The following POLG variants were observed in gnomAD, a reference collection of about 807,000 sequenced individuals.
POLG encodes the protein DNA polymerase gamma, catalytic subunit, also known as DNA polymerase subunit gamma-1.
Under a neutral mutation model 155.4 loss-of-function variants are expected in POLG, and 110 were observed. That is an observed-to-expected ratio of 0.71 (90% confidence interval 0.61 to 0.83). The LOEUF is 0.83. Ranked by LOEUF, POLG falls within the 40% of genes least tolerant of loss-of-function variation. POLG has a pLI of 0.00. For synonymous variants in POLG, 701 were observed against 631.5 expected, an observed-to-expected ratio of 1.11 and a Z score of -1.65; for missense variants, 1,685 against 1,627.5, an observed-to-expected ratio of 1.04 and a Z score of -0.61.
At chr15:89,334,586 C>G (rs1431484821) in intron 1 of POLG, 87 bp downstream of exon 1, 1 of 152,222 alleles carries the variant, frequency 6.6e-6, no homozygotes, top group Non-Finnish European at 1.5e-5. Context: ...CGCCGCCCTG[C>G]TCCGGGCCTC....
rs1007604029 is a variant in POLG at position 89,319,018 on chromosome 15, C to G, written c.3186G>C (p.Glu1062Asp). Reference protein sequence around the residue: ...GTESEMFNKLESIATSDIPRT... With the variant: ...GTESEMFNKLDSIATSDIPRT... Reference sequence around the variant, plus strand: ...GTGGTATGTCAGACGTAGCAATGCTCTCAAGCTTATTGAACATTTCTGACT... The same window carrying G: ...GTGGTATGTCAGACGTAGCAATGCTGTCAAGCTTATTGAACATTTCTGACT... The change falls in exon 20 of 23, where the codon GAG (glutamate) becomes GAC (aspartate). Residue 1062 changes from glutamate to aspartate, a missense_variant. By Grantham distance (45) the Glu-to-Asp change is conservative. Coordinates refer to ENST00000268124, the MANE Select transcript of POLG (RefSeq NM_002693.3). The G allele has an allele frequency of 6.2e-7, 1 of 1,614,200 alleles. No homozygotes were observed. The highest frequency in any genetic ancestry group is 8.5e-7 in the Non-Finnish European group (1 of 1,180,038).
Position 89,323,423 on chromosome 15 carries a change from A to G in POLG, c.2246T>C (p.Phe749Ser), listed in dbSNP as rs202037973. ...ACACACCTTGTGAGGCAGCTTGAAA[A>G]ACCAGCAGCCAGGGATGTCCACGTC... Reference protein sequence around the residue: ...YNDVDIPGCWFFKLPHKDGNS... With the variant: ...YNDVDIPGCWSFKLPHKDGNS... The change falls in exon 13 of 23, where the codon TTT becomes TCT. Residue 749 changes from phenylalanine to serine, a missense_variant. Physicochemically the swap from Phe to Ser is radical, Grantham distance 155. Transcript: ENST00000268124. 76 of 1,612,708 alleles carry G rather than the reference A, an allele frequency of 4.7e-5. No individual in the cohort carries two copies. In the African/African-American group the frequency reaches 9.1e-4, roughly 19 times the overall value.
At chr15:89,326,874 A>T in intron 8 of POLG, 38 bp downstream of exon 8, 1 of 1,612,506 alleles carries the variant, frequency 6.2e-7, no homozygotes, top group Non-Finnish European at 8.5e-7. Context: ...CCCAGAGACA[A>T]CCCCTACCCT....
intron 2 of POLG, among the ~76,000 whole-genome samples, chr15:89,331,931 A>G (rs1238342068): frequency 1.3e-5 from 2 of 152,206 alleles, no homozygotes; most frequent in African/African-American, 4.8e-5. Flanking sequence ...CAGGGAGGGA[A>G]AGGAGAGGTA....
rs1227126133 is a variant in POLG at position 89,333,226 on chromosome 15, G to A, written c.529C>T (p.Arg177Trp). The part of the protein sequence containing the change: ...PAWAWAEGWT[R>W]YGPEGEAVPV... ...ACGGCCTCCCCCTCGGGGCCGTACCGGGTCCAGCCCTCCGCCCAGGCCCAA... is the reference window on the plus strand; with the variant it reads ...ACGGCCTCCCCCTCGGGGCCGTACCAGGTCCAGCCCTCCGCCCAGGCCCAA... Residue 177 changes from arginine to tryptophan, a missense_variant, in exon 2 of 23, where the codon CGG (arginine) becomes TGG (tryptophan). Around this residue, in one of 3 missense-constraint regions of POLG, gnomAD observed 1,210 missense variants for 1,167.1 expected, o/e 1.04. Transcript: ENST00000268124. 4.4e-6 allele frequency: 7 copies of A among 1,579,598 alleles called. No homozygotes were observed. In the African/African-American group the frequency reaches 5.4e-5, roughly 12 times the overall value.
At chr15:89,318,501 G>A in intron 21 of POLG, 40 bp downstream of exon 21, 1 of 1,569,858 alleles carries the variant, frequency 6.4e-7, no homozygotes, top group Non-Finnish European at 8.8e-7. Context: ...GCCCCACATA[G>A]GAGCACATGG....
intron 16 of POLG, 132 bp from the exon 17 acceptor site, chr15:89,321,392 C>T: frequency 3.8e-6 from 4 of 1,065,668 alleles, no homozygotes; most frequent in Non-Finnish European, 5.7e-6. Context: ...TGCTGAAATT[C>T]CACAGTTCCA....
intron 22 of POLG, 146 bp from the exon 23 acceptor site, chr15:89,316,973 G>C: frequency 2.9e-6 from 2 of 694,460 alleles, no homozygotes; most frequent in South Asian, 3.1e-5. Flanking sequence ...TACATGTTAG[G>C]AGGGTCTGTT....
In POLG at chr15:89,325,045, T is replaced by TGAGTGAGA. The variant is rs1555453270; in HGVS notation, c.1949+404_1949+405insTCTCACTC. Reference sequence around the variant, plus strand: ...AAAAAACCTGAACCCAGAGAGTGAGTGAGTGAGTGAGAGAGTGAGTGAGTG... The same window carrying TGAGTGAGA: ...AAAAAACCTGAACCCAGAGAGTGAGTGAGTGAGAGAGTGAGTGAGAGAGTGAGTGAGTG... On this transcript the variant is annotated intron_variant, in intron 10 of 22. Transcript: ENST00000268124. 1.7e-4 allele frequency among the ~76,000 whole-genome samples: 19 copies of TGAGTGAGA among 114,628 alleles called. 2 individuals are homozygous for TGAGTGAGA. The highest frequency in any genetic ancestry group is 7.5e-4 in the African/African-American group (13 of 17,422). 75.2% of individuals were successfully genotyped at this position (114,628 alleles called of 152,430 possible). A position where few individuals can be genotyped will look rare whatever the true frequency, so the allele number is the denominator to read the frequency against.
At chr15:89,334,115 C>G in intron 1 of POLG, 1 of 367,294 alleles carries the variant, frequency 2.7e-6, no homozygotes, top group Non-Finnish European at 5.0e-6. Context: ...TCAGTGAACC[C>G]ACGTGGGGAA....
chr15:89,331,198 T>C (rs749387727), intron 2 of POLG, among the ~76,000 whole-genome samples: 8 of 152,156 alleles, frequency 5.3e-5, no homozygotes, highest in Non-Finnish European at 1.2e-4. Flanking sequence ...ACTAACTTCT[T>C]TCAAAGAGAA....
chr15:89,323,041 ACG>A lies in POLG; in HGVS notation c.2266-141_2266-140del, dbSNP rs1178018956. The A allele has an allele frequency of 1.2e-3, 824 of 670,344 alleles. 12 individuals carry two copies. In the South Asian group the frequency reaches 0.013, roughly 11 times the overall value. The allele number at this position is 670,344 out of a possible 1,614,324, so 41.5% of individuals were successfully genotyped here. A position where few individuals can be genotyped will look rare whatever the true frequency, so the allele number is the denominator to read the frequency against. Reference sequence around the variant, plus strand: ...AGGCAAATCCCTGATTGTATCACGCACGCGCGCACGCGCGCACGCACACACAC... The same window carrying A: ...AGGCAAATCCCTGATTGTATCACGCACGCGCACGCGCGCACGCACACACAC... On this transcript the variant is annotated intron_variant, in intron 13 of 22. Coordinates refer to ENST00000268124, the MANE Select transcript of POLG (RefSeq NM_002693.3).
rs1209239371 is a variant in POLG at position 89,316,710 on chromosome 15, A to C, written c.*41T>G. 6 of 1,526,090 alleles carry C rather than the reference A, an allele frequency of 3.9e-6. No homozygotes were observed. The East Asian group carries it at 1.3e-4, about 34-fold the overall frequency. The allele number at this position is 1,526,090 out of a possible 1,614,324, so 94.5% of individuals were successfully genotyped here. Reference sequence around the variant, plus strand: ...GAGTTTGGGAGCCTGCACCACCCCGATGAAGCTCCACGGGAGCAAATACAG... The same window carrying C: ...GAGTTTGGGAGCCTGCACCACCCCGCTGAAGCTCCACGGGAGCAAATACAG... On this transcript the variant is annotated 3_prime_UTR_variant, in exon 23 of 23. Transcript: ENST00000268124.
chr15:89,324,242 G>A lies in POLG; in HGVS notation c.1950-15C>T. ...ACTCGATGGCTCTGGGCAGAGAACA[G>A]TAGCAGCAGCAGCCGCTGATTACCA... On this transcript the variant is annotated splice_polypyrimidine_tract_variant and intron_variant, in intron 10 of 22. Coordinates refer to ENST00000268124, the MANE Select transcript of POLG (RefSeq NM_002693.3). 6.2e-7 allele frequency: 1 copy of A among 1,610,626 alleles called. No individual in the cohort carries two copies. Among genetic ancestry groups the A allele is most frequent in the Non-Finnish European group, 8.5e-7 (1 of 1,179,950 alleles).
chr15:89,328,132 C>T (rs539191597), intron 6 of POLG, among the ~76,000 whole-genome samples: 1 of 152,272 alleles, frequency 6.6e-6, no homozygotes, highest in Admixed American at 6.5e-5. Flanking sequence ...ACAAGGGTCA[C>T]TTCATAAGAC....
Position 89,321,242 on chromosome 15 carries a change from C to T in POLG, c.2617G>A (p.Glu873Lys). The T allele has an allele frequency of 6.2e-7, 1 of 1,614,188 alleles. No homozygotes were observed. Among genetic ancestry groups the T allele is most frequent in the Non-Finnish European group, 8.5e-7 (1 of 1,180,018 alleles). Residue 873 changes from glutamate to lysine, a missense_variant, in exon 17 of 23, where the codon GAG becomes AAG. By Grantham distance (56) the Glu-to-Lys change is moderately conservative. Transcript: ENST00000268124. ...GGGGCCTGCACCATGGCTTTCAACTCACTGCCTACTCGGTCAGGCTGTGGG... is the reference window on the plus strand; with the variant it reads ...GGGGCCTGCACCATGGCTTTCAACTTACTGCCTACTCGGTCAGGCTGTGGG... ...SNARPDRVGS[E>K]LKAMVQAPPG...
chr15:89,324,671 C>G (rs766422106), intron 10 of POLG, among the ~76,000 whole-genome samples: 10 of 152,222 alleles, frequency 6.6e-5, no homozygotes, highest in Non-Finnish European at 1.2e-4. Flanking sequence ...TTCTGGGCCA[C>G]TGTAAGTTTC....
intron 14 of POLG, among the ~76,000 whole-genome samples, chr15:89,322,499 C>T (rs2055410878): frequency 6.6e-6 from 1 of 152,228 alleles, no homozygotes; most frequent in Admixed American, 6.5e-5. Flanking sequence ...GCAGTTACAC[C>T]AAGAAGTTCT....
At position 89,333,094 on chromosome 15, in the gene POLG, ACC is replaced by A; in HGVS notation, c.659_659+1del. 1.3e-6 allele frequency: 2 copies of A among 1,511,754 alleles called. No homozygotes were observed. The highest frequency in any genetic ancestry group is 2.8e-5 in the African/African-American group (2 of 71,578). The allele number at this position is 1,511,754 out of a possible 1,614,324, so 93.6% of individuals were successfully genotyped here. ...TATGTCCCCAACCCTGCCCCTACTTACCAGGCCGAGGGGGATATGGCCACCGC... is the reference window on the plus strand; with the variant it reads ...TATGTCCCCAACCCTGCCCCTACTTAAGGCCGAGGGGGATATGGCCACCGC... On this transcript the variant is annotated splice_donor_variant and coding_sequence_variant, in exon 2 of 23. Coordinates refer to ENST00000268124, the MANE Select transcript of POLG (RefSeq NM_002693.3). LOFTEE classifies it high-confidence loss of function.
Sources: allele counts gnomAD v4.1 joint callset (sites outside exome capture counted in the v4.1 genomes callset), GRCh38; gene constraint gnomAD v4.1.1; regional missense constraint gnomAD v4.1.1; transcripts MANE v1.5; gene names NCBI Gene and HGNC (gene_info 2026-07-23, HGNC 2026-07-21).